The following KLF8 variants were observed in gnomAD, a reference collection of about 807,000 sequenced individuals.
The protein encoded by KLF8 is Krueppel-like factor 8.
Under a neutral mutation model 18.2 loss-of-function variants are expected in KLF8, and 10 were observed. That is an observed-to-expected ratio of 0.55 (90% CI 0.34 to 0.93). The LOEUF is 0.93. Ranked by LOEUF, KLF8 falls within the 40% of genes least tolerant of loss-of-function variation. KLF8 has a pLI of 0.02. For synonymous variants in KLF8, 109 were observed against 97.3 expected (o/e 1.12, Z -0.71); for missense variants, 264 against 277.9 (o/e 0.95, Z 0.36).
the KLF8 span, among the ~76,000 whole-genome samples, chrX:56,020,026 G>T: frequency 8.9e-6 from 1 of 111,852 alleles, no homozygotes; most frequent in Admixed American, 9.5e-5. Context: ...ATAGAGAATT[G>T]ACCACAATCA....
the KLF8 span, among the ~76,000 whole-genome samples, chrX:56,092,835 A>G: frequency 9.1e-6 from 1 of 110,077 alleles, no homozygotes; most frequent in Non-Finnish European, 1.9e-5. Context: ...AAGTAGAGAG[A>G]TGAAAACTCT....
chrX:56,097,847 T>A, the KLF8 span, among the ~76,000 whole-genome samples: 17 of 108,877 alleles, frequency 1.6e-4, no homozygotes, highest in African/African-American at 5.3e-4. Flanking sequence ...GTTAACATCA[T>A]ACATAGTGGT....
the KLF8 span, among the ~76,000 whole-genome samples, chrX:56,163,160 G>A: frequency 4.5e-5 from 5 of 111,732 alleles, no homozygotes; most frequent in African/African-American, 6.5e-5. Context: ...GGTCTTTGAG[G>A]AATTACTGCA....
chrX:56,080,376 T>C, the KLF8 span, among the ~76,000 whole-genome samples: 27 of 111,601 alleles, frequency 2.4e-4, no homozygotes, highest in African/African-American at 7.2e-4. Flanking sequence ...TTTGCTTGTC[T>C]GTAAAGGATT....
the KLF8 span, among the ~76,000 whole-genome samples, chrX:56,032,156 A>G: frequency 9.0e-6 from 1 of 110,939 alleles, no homozygotes; most frequent in South Asian, 3.8e-4. Context: ...GTTTCTTCTT[A>G]AAACAGGTAC....
intron 5 of KLF8, among the ~76,000 whole-genome samples, chrX:56,276,715 T>G (rs2147683259): frequency 9.0e-6 from 1 of 111,716 alleles, no homozygotes; most frequent in African/African-American, 3.3e-5. Flanking sequence ...AATTATTAAA[T>G]GCTTTGAGGT....
At chrX:56,055,507 A>G in the KLF8 span, among the ~76,000 whole-genome samples, 11 of 110,890 alleles carry the variant, frequency 9.9e-5, no homozygotes, top group African/African-American at 3.0e-4. Flanking sequence ...TTTTACTTTT[A>G]TTTTGTGTTT....
the KLF8 span, among the ~76,000 whole-genome samples, chrX:56,053,089 A>C: frequency 1.8e-5 from 2 of 111,983 alleles, no homozygotes; most frequent in Non-Finnish European, 3.8e-5. Flanking sequence ...GACCTCTTGC[A>C]CTTCCCAAGT....
the KLF8 span, among the ~76,000 whole-genome samples, chrX:55,990,776 C>G: frequency 3.6e-5 from 4 of 112,356 alleles, no homozygotes; most frequent in Non-Finnish European, 5.6e-5. Context: ...TCCAGACCCT[C>G]TTTGCCTGGG....
chrX:56,227,499 C>T (rs1238048517), upstream of KLF8, among the ~76,000 whole-genome samples: 1 of 110,506 alleles, frequency 9.0e-6, no homozygotes, highest in Non-Finnish European at 1.9e-5. Flanking sequence ...TGTGCACCAC[C>T]ATGCCTGGCT....
the KLF8 span, among the ~76,000 whole-genome samples, chrX:56,043,572 C>A: frequency 1.8e-5 from 2 of 111,464 alleles, no homozygotes; most frequent in Non-Finnish European, 3.8e-5. Flanking sequence ...AGATAGTCTT[C>A]AGGCTCTGAG....
chrX:56,136,945 T>A, the KLF8 span, among the ~76,000 whole-genome samples: 1 of 110,897 alleles, frequency 9.0e-6, no homozygotes, highest in Non-Finnish European at 1.9e-5. Context: ...GTGGGCAAAG[T>A]ACATGAACAG....
chrX:56,180,107 AATCCGTCTG>A, the KLF8 span, among the ~76,000 whole-genome samples: 2 of 111,622 alleles, frequency 1.8e-5, no homozygotes, highest in Non-Finnish European at 3.8e-5. Context: ...TTCGGCTGTG[AATCCGTCTG>A]ATCCTGGACT....
the KLF8 span, among the ~76,000 whole-genome samples, chrX:56,187,088 G>C: frequency 1.8e-5 from 2 of 111,264 alleles, no homozygotes; most frequent in Non-Finnish European, 1.9e-5. Flanking sequence ...TCTAGGAGCT[G>C]GTTTTTGAAA....
At chrX:56,093,909 G>A in the KLF8 span, among the ~76,000 whole-genome samples, 2 of 69,772 alleles carry the variant, frequency 2.9e-5, no homozygotes, top group South Asian at 5.7e-4. Context: ...TATTATATGT[G>A]TGTGTGTGTG....
chrX:55,961,453 G>A, the KLF8 span: 1 of 546,989 alleles, frequency 1.8e-6, no homozygotes, highest in Non-Finnish European at 3.4e-6. Flanking sequence ...CAACAAGGAA[G>A]AGGCCCAGAT....
chrX:55,921,921 T>G, the KLF8 span, among the ~76,000 whole-genome samples: 1 of 112,172 alleles, frequency 8.9e-6, no homozygotes, highest in African/African-American at 3.2e-5. Context: ...TGAGATAACA[T>G]CTCATGCCAG....
At chrX:56,058,088 C>A in the KLF8 span, among the ~76,000 whole-genome samples, 3 of 100,555 alleles carry the variant, frequency 3.0e-5, no homozygotes, top group African/African-American at 1.1e-4. Flanking sequence ...CTTCTCTCCA[C>A]TCTGATGATA....
the KLF8 span, among the ~76,000 whole-genome samples, chrX:56,066,248 G>A: frequency 8.9e-6 from 1 of 112,119 alleles, no homozygotes; most frequent in Non-Finnish European, 1.9e-5. Flanking sequence ...GTGTTCTTCA[G>A]TCTCCTAGGA....
Sources: gnomAD v4.1 joint callset for allele counts (sites outside exome capture counted in the v4.1 genomes callset) on GRCh38, gnomAD v4.1.1 for gene constraint, MANE v1.5 for transcripts, NCBI Gene and HGNC (gene_info 2026-07-23, HGNC 2026-07-21) for gene names.